ATP11C: variants seen among roughly 807,000 people sequenced by gnomAD.
ATP11C encodes ATPase phospholipid transporting 11C (ATP11C blood group), also known as phospholipid-transporting ATPase IG.
In ATP11C, 36 loss-of-function variants were observed where a neutral mutation model predicts 97.4. That is an observed-to-expected ratio of 0.37 (90% confidence interval 0.28 to 0.49). ATP11C has a LOEUF of 0.49. Among genes scored for constraint, ATP11C ranks in the 20% least tolerant of loss-of-function variants. ATP11C has a pLI of 0.98. For missense variants in ATP11C, 730 were observed against 824.6 expected (o/e 0.89, Z 1.40); for synonymous variants, 275 against 290.9 (o/e 0.95, Z 0.56).
intron 1 of ATP11C, among the ~76,000 whole-genome samples, chrX:139,867,687 G>A (rs2084307749): frequency 8.9e-6 from 1 of 112,130 alleles, no homozygotes. Context: ...GGGTTAAACA[G>A]GCTAAGAAGT....
intron 1 of ATP11C, among the ~76,000 whole-genome samples, chrX:139,917,187 G>C (rs2085167588): frequency 9.0e-6 from 1 of 111,628 alleles, no homozygotes; most frequent in South Asian, 3.7e-4. Flanking sequence ...CTACATGTAA[G>C]ACTTATAAAC....
rs1406317157 is a variant in ATP11C, at chrX:139,768,402, A to T, written c.2249T>A (p.Ile750Asn). Reference sequence around the variant, plus strand: ...GAGTGACAATGTGGAGCCATCTATGATTAATCCATATTCCTGATGTTCTGT... The same window carrying T: ...GAGTGACAATGTGGAGCCATCTATGTTTAATCCATATTCCTGATGTTCTGT... The part of the protein sequence containing the change: ...AWTEHQEYGL[I>N]IDGSTLSLIL... Residue 750 changes from isoleucine to asparagine, a missense_variant, in exon 20 of 30, where the codon ATC becomes AAC. By Grantham distance (149) the Ile-to-Asn change is moderately radical. Coordinates refer to ENST00000682941, the MANE Select transcript of ATP11C (RefSeq NM_001353812.2). The T allele has an allele frequency of 8.8e-7, 1 of 1,141,360 alleles. No homozygotes were observed. Among genetic ancestry groups the T allele is most frequent in the Non-Finnish European group, 1.2e-6 (1 of 856,500 alleles). 94.1% of individuals were successfully genotyped at this position (1,141,360 alleles called of 1,213,427 possible).
At chrX:139,863,278 AT>A (rs1406058713) in intron 1 of ATP11C, among the ~76,000 whole-genome samples, 1 of 112,577 alleles carries the variant, frequency 8.9e-6, no homozygotes, top group Non-Finnish European at 1.9e-5. Flanking sequence ...CACACCTGTA[AT>A]CCCAGAACTT....
chrX:139,762,212 A>G (rs750996350), intron 21 of ATP11C, 106 bp from the exon 22 acceptor site: 47 of 660,638 alleles, frequency 7.1e-5, no homozygotes, highest in Non-Finnish European at 9.8e-5. Flanking sequence ...AATTCTATCA[A>G]TTAGTTTTCC....
chrX:139,899,552 G>A (rs2084864653), intron 1 of ATP11C, among the ~76,000 whole-genome samples: 2 of 109,672 alleles, frequency 1.8e-5, no homozygotes, highest in African/African-American at 6.6e-5. Context: ...GAAAAACCGA[G>A]AAAATCTAAA....
chrX:139,757,993 A>G (rs2081970402), intron 22 of ATP11C, 126 bp from the exon 23 acceptor site: 1 of 429,935 alleles, frequency 2.3e-6, no homozygotes. Flanking sequence ...AGAATGCAAT[A>G]AACCTCTATT....
At chrX:139,824,156 T>TA (rs1439233065) in intron 2 of ATP11C, among the ~76,000 whole-genome samples, 5 of 107,730 alleles carry the variant, frequency 4.6e-5, no homozygotes, top group South Asian at 7.9e-4. Context: ...ATTAATTTTT[T>TA]AAAAAAAACC....
intron 22 of ATP11C, among the ~76,000 whole-genome samples, chrX:139,760,783 T>G (rs762813192): frequency 8.9e-6 from 1 of 111,903 alleles, no homozygotes; most frequent in Non-Finnish European, 1.9e-5. Context: ...TGCACAATTA[T>G]CATGTTTTGG....
intron 18 of ATP11C, 24 bp from the exon 19 acceptor site, chrX:139,774,977 T>G (rs2148702035): frequency 8.5e-7 from 1 of 1,176,609 alleles, no homozygotes; most frequent in African/African-American, 1.8e-5. Flanking sequence ...AGAAACCTTG[T>G]GATCTTCTAA....
At chrX:139,894,964 G>T (rs982278090) in intron 1 of ATP11C, among the ~76,000 whole-genome samples, 3 of 111,566 alleles carry the variant, frequency 2.7e-5, no homozygotes, top group Non-Finnish European at 5.6e-5. Flanking sequence ...GCTAAGGCAG[G>T]ATAATCACTT....
At position 139,728,644 on chromosome X, in the gene ATP11C, A is replaced by T; in HGVS notation, c.*322T>A. 1 of 274,648 alleles carries T rather than the reference A, an allele frequency of 3.6e-6. No homozygotes were observed. 22.6% of individuals were successfully genotyped at this position (274,648 alleles called of 1,213,427 possible). A position where few individuals can be genotyped will look rare whatever the true frequency, so the allele number is the denominator to read the frequency against. ...CCATTCACAAAGTTCATGGGTTAAA[A>T]GAGCACCCATTTGAGTTATATTACT... On this transcript the variant is annotated 3_prime_UTR_variant, in exon 30 of 30. Transcript: ENST00000682941.
At chrX:139,866,547 G>A (rs1250074795) in intron 1 of ATP11C, among the ~76,000 whole-genome samples, 6 of 108,259 alleles carry the variant, frequency 5.5e-5, no homozygotes, top group Non-Finnish European at 1.1e-4. Flanking sequence ...GAGAAACCCC[G>A]TCTCTACAAA....
At chrX:139,794,774 CATCTT>C (rs1190232667) in intron 12 of ATP11C, among the ~76,000 whole-genome samples, 3 of 111,933 alleles carry the variant, frequency 2.7e-5, no homozygotes, top group African/African-American at 9.7e-5. Flanking sequence ...CTGACCCGGG[CATCTT>C]ATCTGTTTTT....
At position 139,826,829 on chromosome X, in the gene ATP11C, C is replaced by G. The variant is rs2083541657; in HGVS notation, c.28-6G>C. The G allele has an allele frequency of 8.4e-7, 1 of 1,195,766 alleles. No individual in the cohort carries two copies. Among genetic ancestry groups the G allele is most frequent in the East Asian group, 3.0e-5 (1 of 33,152 alleles). ...CGTTTCTCTTCTCCAGCACACTGAC[C>G]AAGAGAAAAGGGAAAAAATTCAGTT... On this transcript the variant is annotated splice_region_variant and splice_polypyrimidine_tract_variant and intron_variant, in intron 1 of 29. Coordinates refer to ENST00000682941, the MANE Select transcript of ATP11C (RefSeq NM_001353812.2).
Position 139,728,602 on chromosome X carries a change from T to C in ATP11C, c.*364A>G, listed in dbSNP as rs1047209324. ...TTCTCATTGCATAACTTCTACTTCATACTATTGTATTTAAATCCATTCACA... is the reference window on the plus strand; with the variant it reads ...TTCTCATTGCATAACTTCTACTTCACACTATTGTATTTAAATCCATTCACA... On this transcript the variant is annotated 3_prime_UTR_variant, in exon 30 of 30. Transcript: ENST00000682941. The C allele has an allele frequency of 1.0e-5, 2 of 195,016 alleles. No individual in the cohort carries two copies. Among genetic ancestry groups the C allele is most frequent in the African/African-American group, 2.9e-5 (1 of 34,200 alleles). The allele number at this position is 195,016 out of a possible 1,213,427, so 16.1% of individuals were successfully genotyped here. A position where few individuals can be genotyped will look rare whatever the true frequency, so the allele number is the denominator to read the frequency against.
intron 1 of ATP11C, among the ~76,000 whole-genome samples, chrX:139,857,631 T>G (rs750194225): frequency 7.2e-5 from 8 of 111,020 alleles, no homozygotes; most frequent in Non-Finnish European, 1.1e-4. Flanking sequence ...CCCTACCCAA[T>G]AGGGGAACAA....
At chrX:139,860,801 G>C (rs2084177065) in intron 1 of ATP11C, among the ~76,000 whole-genome samples, 1 of 112,318 alleles carries the variant, frequency 8.9e-6, no homozygotes, top group Non-Finnish European at 1.9e-5. Flanking sequence ...CTGGGCAACA[G>C]AGCGAGACTC....
intron 28 of ATP11C, among the ~76,000 whole-genome samples, chrX:139,735,219 A>G (rs1281275540): frequency 9.0e-6 from 1 of 111,674 alleles, no homozygotes; most frequent in East Asian, 2.8e-4. Flanking sequence ...GGTTGCTCTT[A>G]TAATTGTTAA....
intron 5 of ATP11C, among the ~76,000 whole-genome samples, chrX:139,806,443 C>A: frequency 9.0e-6 from 1 of 111,721 alleles, no homozygotes; most frequent in East Asian, 2.8e-4. Flanking sequence ...GCAAAGCAAC[C>A]AAGTGAACTG....
Sources: gnomAD v4.1 joint callset for allele counts (sites outside exome capture counted in the v4.1 genomes callset) on GRCh38, gnomAD v4.1.1 for gene constraint, MANE v1.5 for transcripts, NCBI Gene and HGNC (gene_info 2026-07-23, HGNC 2026-07-21) for gene names.